Variants in XPO1 observed in about 807,000 individuals in gnomAD.
The protein encoded by XPO1 is exportin 1.
Under a neutral mutation model 133.3 loss-of-function variants are expected in XPO1, and 5 were observed. The ratio of observed to expected loss-of-function variants is 0.04; its 90% confidence interval spans 0.02 to 0.08. The LOEUF (loss-of-function observed/expected upper bound fraction) is 0.08. Ranked by LOEUF, XPO1 falls within the 10% of genes least tolerant of loss-of-function variation. The pLI is 1.00. For synonymous variants in XPO1, 419 were observed against 408.2 expected (o/e 1.03, Z -0.32); for missense variants, 506 against 1,267.5 (o/e 0.40, Z 9.12).
rs577185003 is a variant in XPO1, at chr2:61,498,040, A to T, written c.759+633T>A. Among the ~76,000 whole-genome samples, 26 of 152,370 alleles carry T rather than the reference A, an allele frequency of 1.7e-4. No homozygotes were observed. In the South Asian group the frequency reaches 4.3e-3, roughly 25 times the overall value. Reference sequence around the variant, plus strand: ...TATTCATTATATCAGTCAAGAAAACATCTGAAAATATAATACAACCAACTG... The same window carrying T: ...TATTCATTATATCAGTCAAGAAAACTTCTGAAAATATAATACAACCAACTG... On this transcript the variant is annotated intron_variant, in intron 9 of 24. Transcript: ENST00000401558.
chr2:61,494,149 C>G, intron 11 of XPO1, 58 bp from the exon 12 acceptor site: 1 of 1,499,924 alleles, frequency 6.7e-7, no homozygotes, highest in Non-Finnish European at 9.1e-7. Context: ...CTTCAAATTG[C>G]TTTTCACTTG....
intron 17 of XPO1, among the ~76,000 whole-genome samples, chr2:61,489,528 C>T (rs1403202549): frequency 1.3e-5 from 2 of 151,762 alleles, no homozygotes; most frequent in East Asian, 3.8e-4. Flanking sequence ...TTTTTGTCTA[C>T]ATCTACTTAA....
At chr2:61,525,738 T>G in intron 3 of XPO1, 1 of 1,028,826 alleles carries the variant, frequency 9.7e-7, no homozygotes, top group Non-Finnish European at 1.2e-6. Context: ...ATTTTAAAAC[T>G]GTTAATTAAC....
At position 61,478,841 on chromosome 2, in the gene XPO1, A is replaced by T. The variant is rs1411292594; in HGVS notation, c.3195T>A (p.Ile1065=). Residue 1065 remains isoleucine (I), a synonymous_variant, in exon 25 of 25, where the codon ATT becomes ATA. Transcript: ENST00000401558. ...GATTTTAATCACACATTTCTTCTGG[A>T]ATCTCATGTGGATTAAAGATGCCAG... The part of the protein sequence containing the change: ...SVPGIFNPHE[I]PEEMCD 2 of 1,613,694 alleles carry T rather than the reference A, an allele frequency of 1.2e-6. No individual in the cohort carries two copies. The highest frequency in any genetic ancestry group is 1.7e-5 in the Admixed American group (1 of 59,924).
chr2:61,519,989 CAT>C (rs1698610526), intron 4 of XPO1, among the ~76,000 whole-genome samples: 1 of 152,058 alleles, frequency 6.6e-6, no homozygotes, highest in African/African-American at 2.4e-5. Flanking sequence ...TCCTCTTTTA[CAT>C]GTGTTTTGTC....
intron 4 of XPO1, among the ~76,000 whole-genome samples, chr2:61,507,239 A>C (rs1459050685): frequency 6.9e-6 from 1 of 145,016 alleles, no homozygotes; most frequent in African/African-American, 2.6e-5. Context: ...GGGAGACTCC[A>C]TCTCAAAAAA....
Position 61,495,565 on chromosome 2 carries a change from CT to C in XPO1, c.936del (p.Asp313MetfsTer25), listed in dbSNP as rs2104460494. 3 of 1,588,570 alleles carry C rather than the reference CT, an allele frequency of 1.9e-6. No individual in the cohort carries two copies. The highest frequency in any genetic ancestry group is 2.6e-6 in the Non-Finnish European group (3 of 1,163,356). On this transcript the variant is annotated frameshift_variant, in exon 11 of 25. Coordinates refer to ENST00000401558, the MANE Select transcript of XPO1 (RefSeq NM_003400.4). LOFTEE classifies it high-confidence loss of function. ...TNIRLAYSNGKDDEQNFIQNL... is the reference protein window; with the variant it reads ...TNIRLAYSNGXDDEQNFIQNL... Reference sequence around the variant, plus strand: ...TTTTGAATGAAGTTCTGTTCATCATCTTTTCCATTTGAGTACGCAAGTCGAA... The same window carrying C: ...TTTTGAATGAAGTTCTGTTCATCATCTTTCCATTTGAGTACGCAAGTCGAA...
chr2:61,525,713 T>C (rs1028539866), intron 3 of XPO1: 1 of 1,027,104 alleles, frequency 9.7e-7, no homozygotes, highest in African/African-American at 1.7e-5. Flanking sequence ...TTACAAGATG[T>C]CAAAACTAAT....
chr2:61,483,783 G>T, intron 21 of XPO1, 154 bp downstream of exon 21: 1 of 813,416 alleles, frequency 1.2e-6, no homozygotes, highest in Non-Finnish European at 1.9e-6. Flanking sequence ...GAGTGGAACA[G>T]TTGATTAAAC....
At chr2:61,491,151 A>AAAAC (rs145136332) in intron 16 of XPO1, among the ~76,000 whole-genome samples, 5 of 151,680 alleles carry the variant, frequency 3.3e-5, no homozygotes, top group Admixed American at 1.3e-4. Context: ...TCCACCTCAA[A>AAAAC]AAACAAACAA....
At chr2:61,506,986 T>C (rs926025939) in intron 4 of XPO1, among the ~76,000 whole-genome samples, 5 of 151,834 alleles carry the variant, frequency 3.3e-5, no homozygotes, top group African/African-American at 4.8e-5. Context: ...TCCCAGCACT[T>C]TGGGAGGCCG....
At chr2:61,511,494 A>T (rs1573180277) in intron 4 of XPO1, among the ~76,000 whole-genome samples, 1 of 151,696 alleles carries the variant, frequency 6.6e-6, no homozygotes, top group Admixed American at 6.6e-5. Context: ...TCAGGGCTCG[A>T]CCTCCTGCCT....
chr2:61,488,340 T>C lies in XPO1; in HGVS notation c.2207-69A>G, dbSNP rs997049616. The C allele has an allele frequency of 3.6e-6, 5 of 1,404,250 alleles. No individual in the cohort carries two copies. In the Admixed American group the frequency reaches 6.1e-5, roughly 17 times the overall value. 87.0% of individuals were successfully genotyped at this position (1,404,250 alleles called of 1,614,324 possible). Reference sequence around the variant, plus strand: ...TATACAGTGGTACTCAGGTGTACATTAGATGCAATTCCATTTTACCATTAA... The same window carrying C: ...TATACAGTGGTACTCAGGTGTACATCAGATGCAATTCCATTTTACCATTAA... On this transcript the variant is annotated intron_variant, in intron 18 of 24. Transcript: ENST00000401558.
rs761127865 is a variant in XPO1, at chr2:61,509,898, C to A, written c.302-7588G>T. ...ATTTCAGTTTAAACATTTATTTATT[C>A]CATAAGCTAAAAAAATGTAAATTTG... is the stretch of plus-strand genomic sequence containing the variant. On this transcript the variant is annotated intron_variant, in intron 4 of 24. Transcript: ENST00000401558. Among the ~76,000 whole-genome samples the A allele has an allele frequency of 1.7e-4, 26 of 152,134 alleles. 1 individual carries two copies. Among genetic ancestry groups the A allele is most frequent in the Admixed American group, 1.5e-3 (23 of 15,268 alleles).
At chr2:61,528,879 G>A (rs1699034545) in intron 2 of XPO1, among the ~76,000 whole-genome samples, 1 of 150,466 alleles carries the variant, frequency 6.6e-6, no homozygotes, top group African/African-American at 2.4e-5. Flanking sequence ...TTTCACTTTT[G>A]TATCTTTAAA....
intron 6 of XPO1, among the ~76,000 whole-genome samples, chr2:61,500,156 G>A (rs1296068063): frequency 6.6e-6 from 1 of 152,162 alleles, no homozygotes. Flanking sequence ...GGGTCTGTCT[G>A]TGTATTAGTA....
At chr2:61,480,048 A>G (rs1696263066) in intron 24 of XPO1, among the ~76,000 whole-genome samples, 1 of 151,892 alleles carries the variant, frequency 6.6e-6, no homozygotes, top group Non-Finnish European at 1.5e-5. Context: ...TATTTTTAGT[A>G]GAGATGAGGT....
chr2:61,483,219 T>C (rs1696490041), intron 21 of XPO1, 128 bp from the exon 22 acceptor site: 14 of 971,242 alleles, frequency 1.4e-5, no homozygotes, highest in African/African-American at 3.3e-5. Flanking sequence ...TGACTAATAA[T>C]TACTTGCATA....
At chr2:61,521,142 A>G (rs916744912) in intron 4 of XPO1, among the ~76,000 whole-genome samples, 4 of 152,192 alleles carry the variant, frequency 2.6e-5, no homozygotes, top group Non-Finnish European at 4.4e-5. Context: ...CTCTTAATCT[A>G]TGATTTATGA....
Sources: allele counts gnomAD v4.1 joint callset (sites outside exome capture counted in the v4.1 genomes callset), GRCh38; gene constraint gnomAD v4.1.1; transcripts MANE v1.5; gene names NCBI Gene and HGNC (gene_info 2026-07-23, HGNC 2026-07-21).